TMEM92: variants seen among roughly 807,000 people sequenced by gnomAD.
TMEM92 encodes the protein transmembrane protein 92.
A neutral mutation model predicts 14.6 loss-of-function variants in TMEM92; 15 were observed. The ratio of observed to expected loss-of-function variants is 1.03; its 90% CI spans 0.69 to 1.58. The LOEUF is 1.58. Ranked by LOEUF, TMEM92 falls within the 40% of genes most tolerant of loss-of-function variation. The pLI is 0.00. For missense variants in TMEM92, 174 were observed against 202.4 expected (o/e 0.86, Z 0.85); for synonymous variants, 85 against 83.3 (o/e 1.02, Z -0.11).
rs866550529 is a variant in TMEM92, at chr17:50,279,607, A to G, written c.*299A>G. The G allele has an allele frequency of 1.1e-5, 4 of 352,438 alleles. No individual in the cohort carries two copies. The highest frequency in any genetic ancestry group is 2.6e-5 in the South Asian group (1 of 38,724). 21.8% of individuals were successfully genotyped at this position (352,438 alleles called of 1,614,324 possible). A position where few individuals can be genotyped will look rare whatever the true frequency, so the allele number is the denominator to read the frequency against. On this transcript the variant is annotated 3_prime_UTR_variant, in exon 5 of 5. Coordinates refer to ENST00000507382, the MANE Select transcript of TMEM92 (RefSeq NM_153229.3). The stretch of plus-strand genomic sequence containing the variant: ...AGTAGAATGGGCTACTGTGAGGGGT[A>G]GTAAGAGCCCCATTTCTGGAGGTAT...
chr17:50,274,216 A>G (rs904897558), upstream of TMEM92, among the ~76,000 whole-genome samples: 2 of 151,990 alleles, frequency 1.3e-5, no homozygotes, highest in African/African-American at 2.4e-5. Context: ...CCTGACCTGA[A>G]GTGATCCTCC....
In TMEM92 at chr17:50,274,526, C is replaced by A. The variant is rs767948158; in HGVS notation, c.25C>A (p.Leu9Ile). The change falls in exon 1 of 5, where the codon CTC becomes ATC. Residue 9 changes from leucine to isoleucine, a missense_variant. Coordinates refer to ENST00000507382, the MANE Select transcript of TMEM92 (RefSeq NM_153229.3). ...GATGTCCCAAGCTTGGGTCCCCGGC[C>A]TCGCGCCCACCTTGCTGTTCAGCCT... MSQAWVPG[L>I]APTLLFSLLA... The A allele has an allele frequency of 3.7e-6, 6 of 1,614,012 alleles. No individual in the cohort carries two copies. Among genetic ancestry groups the A allele is most frequent in the Non-Finnish European group, 5.1e-6 (6 of 1,179,954 alleles).
upstream of TMEM92, chr17:50,274,277 TA>T (rs1910346775): frequency 7.0e-6 from 4 of 570,246 alleles, no homozygotes; most frequent in South Asian, 2.1e-5. Context: ...ACCGCTTTTT[TA>T]AAAATCCGTT....
At position 50,277,741 on chromosome 17, in the gene TMEM92, G is replaced by A; in HGVS notation, c.95+1G>A. The A allele has an allele frequency of 6.2e-7, 1 of 1,613,994 alleles. No individual in the cohort carries two copies. The highest frequency in any genetic ancestry group is 8.5e-7 in the Non-Finnish European group (1 of 1,179,950). On this transcript the variant is annotated splice_donor_variant, in intron 2 of 4. Transcript: ENST00000507382. LOFTEE classifies it high-confidence loss of function. The stretch of plus-strand genomic sequence containing the variant: ...TTGCAGCCAAATGTGGTCTCATCCT[G>A]TAAGTCTAGAGGCCATAACTTCCAA...
chr17:50,278,456 A>G (rs1041236737), intron 2 of TMEM92, 100 bp from the exon 3 acceptor site: 49 of 1,367,662 alleles, frequency 3.6e-5, no homozygotes, highest in Middle Eastern at 1.8e-4. Context: ...GGCTTGTGCC[A>G]TGAGCATCTT....
rs1028402695 is a variant in TMEM92 at position 50,279,517 on chromosome 17, G to A, written c.*209G>A. ...GGGTTAGGCTGGAGTGACAGTTTCC[G>A]CCCACCCCCCAGCCCAAGAAAGAGG... On this transcript the variant is annotated 3_prime_UTR_variant, in exon 5 of 5. Coordinates refer to ENST00000507382, the MANE Select transcript of TMEM92 (RefSeq NM_153229.3). The A allele has an allele frequency of 5.0e-5, 26 of 519,510 alleles. No individual in the cohort carries two copies. The highest frequency in any genetic ancestry group is 6.1e-5 in the Non-Finnish European group (18 of 293,672). 32.2% of individuals were successfully genotyped at this position (519,510 alleles called of 1,614,324 possible).
At chr17:50,274,094 T>A (rs1430744139), upstream of TMEM92, among the ~76,000 whole-genome samples, 1 of 152,152 alleles carries the variant, frequency 6.6e-6, no homozygotes, top group East Asian at 1.9e-4. Context: ...TTCTCCTGCC[T>A]CAGGCTCCTG....
In TMEM92 at chr17:50,281,143, CCT is replaced by C. The variant is rs1308804637; in HGVS notation, c.*1836_*1837del. 1 of 152,124 alleles carries C rather than the reference CCT, an allele frequency of 6.6e-6. No individual in the cohort carries two copies. The highest frequency in any genetic ancestry group is 1.5e-5 in the Non-Finnish European group (1 of 67,996). The allele number at this position is 152,124 out of a possible 1,614,324, so 9.4% of individuals were successfully genotyped here. A position where few individuals can be genotyped will look rare whatever the true frequency, so the allele number is the denominator to read the frequency against. ...CCTAGGGAAAGTGGCCATCCTGAAA[CCT>C]AGTGTTGCTGTGACCTGGTGACAGA... On this transcript the variant is annotated 3_prime_UTR_variant, in exon 5 of 5. Coordinates refer to ENST00000507382, the MANE Select transcript of TMEM92 (RefSeq NM_153229.3).
intron 1 of TMEM92, chr17:50,275,174 A>G (rs963423735): frequency 2.6e-5 from 4 of 153,904 alleles, no homozygotes; most frequent in Non-Finnish European, 5.8e-5. Context: ...GTTCCTCCCA[A>G]GTAAACTCTA....
chr17:50,278,414 C>A (rs112755599), intron 2 of TMEM92, 142 bp from the exon 3 acceptor site: 7 of 836,640 alleles, frequency 8.4e-6, no homozygotes, highest in Non-Finnish European at 1.3e-5. Context: ...GAGCTCAGAG[C>A]GGGGGCCATA....
chr17:50,275,033 C>T (rs185817480), intron 1 of TMEM92: 1 of 156,576 alleles, frequency 6.4e-6, no homozygotes, highest in Non-Finnish European at 1.4e-5. Context: ...CTCTTTTGTC[C>T]CCTTCTAGGG....
Position 50,278,987 on chromosome 17 carries a change from C to T in TMEM92, c.357C>T (p.Pro119=), listed in dbSNP as rs757726407. 2 of 1,598,762 alleles carry T rather than the reference C, an allele frequency of 1.3e-6. No individual in the cohort carries two copies. The highest frequency in any genetic ancestry group is 1.7e-6 in the Non-Finnish European group (2 of 1,168,520). The change falls in exon 4 of 5, where the codon CCC becomes CCT. Residue 119 remains proline (P), a synonymous_variant. Transcript: ENST00000507382. Reference sequence around the variant, plus strand: ...TATCCCTTTCTGCGCCCCCACCCCCCTACAGTGAGGTGGGTGTCTCATCCC... The same window carrying T: ...TATCCCTTTCTGCGCCCCCACCCCCTTACAGTGAGGTGGGTGTCTCATCCC... ...VRVSLSAPPP[P]YSEVILKPSL...
At chr17:50,272,936 G>A (rs1180125649), upstream of TMEM92, among the ~76,000 whole-genome samples, 1 of 152,050 alleles carries the variant, frequency 6.6e-6, no homozygotes, top group Non-Finnish European at 1.5e-5. Flanking sequence ...GGAAGAAACC[G>A]AAACAGAAAA....
intron 1 of TMEM92, 167 bp downstream of exon 1, chr17:50,274,737 C>A: frequency 3.0e-6 from 2 of 661,836 alleles, no homozygotes; most frequent in South Asian, 2.0e-5. Context: ...GTGGGGGCAG[C>A]GGAGGAGGCT....
At chr17:50,278,749 G>T in intron 3 of TMEM92, 52 bp from the exon 4 acceptor site, 2 of 1,572,714 alleles carry the variant, frequency 1.3e-6, no homozygotes, top group Non-Finnish European at 1.7e-6. Context: ...GATGTAGGGA[G>T]TCCCCAGGGT....
At position 50,278,426 on chromosome 17, in the gene TMEM92, C is replaced by T. The variant is rs1000546016; in HGVS notation, c.96-130C>T. On this transcript the variant is annotated intron_variant, in intron 2 of 4. Transcript: ENST00000507382. The stretch of plus-strand genomic sequence containing the variant: ...ACTGAGCTCAGAGCGGGGGCCATAC[C>T]CCCCACCCCACTAAGGGGTGGCTTG... The T allele has an allele frequency of 1.6e-5, 16 of 1,000,338 alleles. 1 individual carries two copies. In the Admixed American group the frequency reaches 3.5e-4, roughly 22 times the overall value. The allele number at this position is 1,000,338 out of a possible 1,614,324, so 62.0% of individuals were successfully genotyped here.
chr17:50,273,662 C>G (rs894998659), upstream of TMEM92, among the ~76,000 whole-genome samples: 1 of 152,238 alleles, frequency 6.6e-6, no homozygotes. Context: ...TCAGGGCACT[C>G]TGAAATCAGC....
Position 50,275,599 on chromosome 17 carries a change from C to T in TMEM92, c.69+1029C>T, listed in dbSNP as rs12103585. Among the ~76,000 whole-genome samples, 1,058 of 152,244 alleles carry T rather than the reference C, an allele frequency of 6.9e-3. 8 individuals carry two copies. The highest frequency in any genetic ancestry group is 0.024 in the African/African-American group (1,008 of 41,532). On this transcript the variant is annotated intron_variant, in intron 1 of 4. Coordinates refer to ENST00000507382, the MANE Select transcript of TMEM92 (RefSeq NM_153229.3). ...TCCATAAAACTCAGCCTCTGAACCA[C>T]CCCAGACAAGACTACCCCCTGGTTA...
chr17:50,280,025 G>T lies in TMEM92; in HGVS notation c.*717G>T, dbSNP rs934643483. ...TTTTGATGTCTCTGTGTGCCAAACA[G>T]CCTGGAAATGGGGTACGCGTGTCCC... is the stretch of plus-strand genomic sequence containing the variant. On this transcript the variant is annotated 3_prime_UTR_variant, in exon 5 of 5. Transcript: ENST00000507382. 2 of 152,338 alleles carry T rather than the reference G, an allele frequency of 1.3e-5. No individual in the cohort carries two copies. The highest frequency in any genetic ancestry group is 4.8e-5 in the African/African-American group (2 of 41,440). The allele number at this position is 152,338 out of a possible 1,614,324, so 9.4% of individuals were successfully genotyped here.
Sources: allele counts gnomAD v4.1 joint callset (sites outside exome capture counted in the v4.1 genomes callset), GRCh38; gene constraint gnomAD v4.1.1; transcripts MANE v1.5; gene names NCBI Gene and HGNC (gene_info 2026-07-23, HGNC 2026-07-21).